The following GPD2 variants were observed in gnomAD, a reference collection of about 807,000 sequenced individuals.
The protein encoded by GPD2 is glycerol-3-phosphate dehydrogenase 2.
Under a neutral mutation model 82.4 loss-of-function variants are expected in GPD2, and 54 were observed. The observed-to-expected ratio is 0.66, with a 90% confidence interval of 0.53 to 0.82. The LOEUF (loss-of-function observed/expected upper bound fraction) is 0.82. Among genes scored for constraint, GPD2 ranks in the 40% least tolerant of loss-of-function variants. The probability of loss-of-function intolerance (pLI) is 0.00; values close to 1 mark genes in which losing one functional copy is unlikely to be tolerated. For synonymous variants in GPD2, 288 were observed against 306.1 expected (o/e 0.94, Z 0.62); for missense variants, 748 against 896.2 (o/e 0.83, Z 2.11).
intron 1 of GPD2, among the ~76,000 whole-genome samples, chr2:156,444,670 G>A (rs911714731): frequency 3.3e-5 from 5 of 151,886 alleles, no homozygotes; most frequent in Admixed American, 1.3e-4. Flanking sequence ...CGGAGACCAC[G>A]CCATTGCACT....
intron 6 of GPD2, among the ~76,000 whole-genome samples, chr2:156,528,898 T>C (rs541169959): frequency 6.6e-6 from 1 of 152,234 alleles, no homozygotes; most frequent in South Asian, 2.1e-4. Flanking sequence ...GCAGTAAACA[T>C]AGTGTGCATG....
chr2:156,467,718 T>TA (rs2105186800), intron 1 of GPD2, among the ~76,000 whole-genome samples: 1 of 152,334 alleles, frequency 6.6e-6, no homozygotes, highest in African/African-American at 2.4e-5. Context: ...AAATCCTTTT[T>TA]AAAAGCAACA....
At chr2:156,532,131 A>G (rs1685886236) in intron 6 of GPD2, among the ~76,000 whole-genome samples, 1 of 152,134 alleles carries the variant, frequency 6.6e-6, no homozygotes, top group South Asian at 2.1e-4. Context: ...CCGACTAGCT[A>G]AGACTATCGT....
chr2:156,445,631 A>G (rs572225717), intron 1 of GPD2, among the ~76,000 whole-genome samples: 1 of 152,178 alleles, frequency 6.6e-6, no homozygotes, highest in South Asian at 2.1e-4. Flanking sequence ...CTTCTTTTCT[A>G]CTCCTATACT....
the GPD2 span, among the ~76,000 whole-genome samples, chr2:156,410,568 G>A: frequency 6.6e-6 from 1 of 152,112 alleles, no homozygotes; most frequent in Admixed American, 6.5e-5. Flanking sequence ...ATGGGGTCTT[G>A]CTGTGTTGCC....
chr2:156,507,352 C>T (rs1447129363), intron 3 of GPD2, among the ~76,000 whole-genome samples: 3 of 149,258 alleles, frequency 2.0e-5, no homozygotes, highest in Non-Finnish European at 4.4e-5. Context: ...GATAGGGTCT[C>T]ATTCTGTCAT....
chr2:156,567,999 T>C (rs1687452720), intron 9 of GPD2, among the ~76,000 whole-genome samples: 1 of 152,118 alleles, frequency 6.6e-6, no homozygotes, highest in African/African-American at 2.4e-5. Flanking sequence ...CCAGTATACC[T>C]GTTTCTGTGT....
intron 13 of GPD2, among the ~76,000 whole-genome samples, chr2:156,577,419 A>G (rs1687864194): frequency 6.6e-6 from 1 of 152,148 alleles, no homozygotes; most frequent in Non-Finnish European, 1.5e-5. Context: ...CCTGCATGGT[A>G]GAAGCTGCAG....
intron 1 of GPD2, among the ~76,000 whole-genome samples, chr2:156,459,880 A>G (rs1310696905): frequency 6.6e-6 from 1 of 151,952 alleles, no homozygotes; most frequent in Non-Finnish European, 1.5e-5. Context: ...GCCACATAGT[A>G]TAATCTGAAA....
At chr2:156,471,905 T>C (rs1056353430) in intron 1 of GPD2, among the ~76,000 whole-genome samples, 1 of 152,226 alleles carries the variant, frequency 6.6e-6, no homozygotes, top group African/African-American at 2.4e-5. Context: ...GCACCATTTG[T>C]TTAGGTTTTG....
At chr2:156,560,376 T>C (rs1687124234) in intron 9 of GPD2, among the ~76,000 whole-genome samples, 1 of 152,218 alleles carries the variant, frequency 6.6e-6, no homozygotes, top group Admixed American at 6.5e-5. Context: ...CAAATAGTTA[T>C]TGTTAATTCT....
chr2:156,549,994 G>A (rs1383449800), intron 7 of GPD2, among the ~76,000 whole-genome samples: 5 of 152,150 alleles, frequency 3.3e-5, no homozygotes, highest in Non-Finnish European at 7.4e-5. Flanking sequence ...TAATGATAAT[G>A]ATAATAATAA....
intron 1 of GPD2, among the ~76,000 whole-genome samples, chr2:156,469,198 C>T (rs1176534902): frequency 1.3e-5 from 2 of 152,158 alleles, no homozygotes; most frequent in Admixed American, 6.5e-5. Context: ...CTCGCTCTGT[C>T]GCCCAGGCTG....
At chr2:156,503,034 C>G (rs1684647397) in intron 3 of GPD2, among the ~76,000 whole-genome samples, 2 of 152,076 alleles carry the variant, frequency 1.3e-5, no homozygotes, top group Non-Finnish European at 2.9e-5. Context: ...TTTCTTGGAA[C>G]CAAAAGACTC....
intron 1 of GPD2, among the ~76,000 whole-genome samples, chr2:156,473,085 A>G (rs144796725): frequency 6.6e-6 from 1 of 152,214 alleles, no homozygotes; most frequent in Non-Finnish European, 1.5e-5. Flanking sequence ...AGGAAAGTCA[A>G]ATGAAACTGG....
chr2:156,533,462 C>G (rs1685941838), intron 6 of GPD2, among the ~76,000 whole-genome samples: 1 of 152,142 alleles, frequency 6.6e-6, no homozygotes, highest in Admixed American at 6.5e-5. Context: ...CACCATTCAG[C>G]CTTTTAGTCC....
chr2:156,528,809 G>A (rs1400538680), intron 6 of GPD2, among the ~76,000 whole-genome samples: 1 of 152,088 alleles, frequency 6.6e-6, no homozygotes, highest in Non-Finnish European at 1.5e-5. Flanking sequence ...TGGTGTATAT[G>A]TGCCACATTT....
At chr2:156,557,916 G>A (rs369536448) in intron 9 of GPD2, among the ~76,000 whole-genome samples, 1 of 152,234 alleles carries the variant, frequency 6.6e-6, no homozygotes, top group African/African-American at 2.4e-5. Flanking sequence ...GCTTAGGAAT[G>A]TCTAATTTAC....
At chr2:156,509,979 C>T (rs1684935129) in intron 3 of GPD2, among the ~76,000 whole-genome samples, 1 of 151,920 alleles carries the variant, frequency 6.6e-6, no homozygotes, top group South Asian at 2.1e-4. Context: ...GACAGAGTTT[C>T]ACCATGTTGG....
Sources: gnomAD v4.1 joint callset for allele counts (sites outside exome capture counted in the v4.1 genomes callset) on GRCh38, gnomAD v4.1.1 for gene constraint, MANE v1.5 for transcripts, NCBI Gene and HGNC (gene_info 2026-07-23, HGNC 2026-07-21) for gene names.